Variants in MCTP2 observed in about 807,000 individuals in gnomAD.
MCTP2 encodes multiple C2 and transmembrane domain-containing protein 2.
In MCTP2, 132 loss-of-function variants were observed where a neutral mutation model predicts 111.6. The observed-to-expected ratio is 1.18, with a 90% CI of 1.03 to 1.37. The LOEUF is 1.37. Ranked by LOEUF, MCTP2 falls within the 40% of genes most tolerant of loss-of-function variation. The probability of loss-of-function intolerance (pLI) is 0.00; values close to 1 mark genes in which losing one functional copy is unlikely to be tolerated. For synonymous variants in MCTP2, 395 were observed against 387.7 expected (o/e 1.02, Z -0.22); for missense variants, 1,183 against 1,067.9 (o/e 1.11, Z -1.50).
At chr15:94,249,473 A>G (rs1326905353) in intron 1 of MCTP2, among the ~76,000 whole-genome samples, 3 of 149,774 alleles carry the variant, frequency 2.0e-5, no homozygotes, top group Non-Finnish European at 4.4e-5. Context: ...CATATTTCCC[A>G]CTGAGTCTCA....
At chr15:94,249,989 G>GA (rs1004471140) in intron 1 of MCTP2, among the ~76,000 whole-genome samples, 2 of 148,154 alleles carry the variant, frequency 1.3e-5, no homozygotes, top group East Asian at 2.0e-4. Context: ...AATAGTAAAA[G>GA]AAAAAAAAAG....
chr15:94,255,855 T>C (rs2072730429), intron 1 of MCTP2, among the ~76,000 whole-genome samples: 1 of 152,214 alleles, frequency 6.6e-6, no homozygotes, highest in Non-Finnish European at 1.5e-5. Flanking sequence ...TATTACATTG[T>C]TTAGCAACTA....
chr15:94,419,602 C>T (rs1177681466), intron 17 of MCTP2, among the ~76,000 whole-genome samples: 1 of 152,110 alleles, frequency 6.6e-6, no homozygotes, highest in African/African-American at 2.4e-5. Flanking sequence ...CCACCTCCTA[C>T]ACCCACTGAT....
intron 22 of MCTP2, among the ~76,000 whole-genome samples, chr15:94,478,535 G>C (rs1395391911): frequency 6.6e-6 from 1 of 152,108 alleles, no homozygotes; most frequent in African/African-American, 2.4e-5. Flanking sequence ...TTTCCTCTCA[G>C]GCAAAGTAAA....
intron 12 of MCTP2, among the ~76,000 whole-genome samples, chr15:94,377,624 T>C (rs2079848760): frequency 6.6e-6 from 1 of 152,214 alleles, no homozygotes; most frequent in Non-Finnish European, 1.5e-5. Context: ...ATATACCTTT[T>C]CTATTCTCTG....
chr15:94,463,388 G>A (rs148017568), intron 20 of MCTP2, among the ~76,000 whole-genome samples: 5 of 152,004 alleles, frequency 3.3e-5, no homozygotes, highest in African/African-American at 7.2e-5. Flanking sequence ...TTTTCTTCAC[G>A]TTTCATTTTC....
At chr15:94,340,394 G>C in intron 6 of MCTP2, 119 bp downstream of exon 6, 1 of 766,570 alleles carries the variant, frequency 1.3e-6, no homozygotes, top group Non-Finnish European at 2.2e-6. Context: ...AAATGAAAGA[G>C]AGCTTTAAAG....
At chr15:94,251,007 A>G (rs918999421) in intron 1 of MCTP2, among the ~76,000 whole-genome samples, 2 of 152,254 alleles carry the variant, frequency 1.3e-5, no homozygotes, top group African/African-American at 2.4e-5. Context: ...AGATGATTAG[A>G]TAAGAGTGGC....
At chr15:94,309,323 C>T (rs770812542) in intron 2 of MCTP2, among the ~76,000 whole-genome samples, 10 of 152,076 alleles carry the variant, frequency 6.6e-5, no homozygotes, top group Non-Finnish European at 1.0e-4. Context: ...AGACAAGATA[C>T]GGGTTATAGA....
At chr15:94,296,143 T>A (rs1029895541) in intron 1 of MCTP2, among the ~76,000 whole-genome samples, 1 of 152,176 alleles carries the variant, frequency 6.6e-6, no homozygotes, top group Non-Finnish European at 1.5e-5. Context: ...CAGGTCTCCA[T>A]AGAGTGCTAC....
chr15:94,397,243 A>G (rs1436235343), intron 14 of MCTP2, among the ~76,000 whole-genome samples: 1 of 152,178 alleles, frequency 6.6e-6, no homozygotes, highest in Admixed American at 6.5e-5. Flanking sequence ...ACACAATGTG[A>G]GGGACATTAG....
intron 20 of MCTP2, among the ~76,000 whole-genome samples, chr15:94,466,364 A>G (rs1424235746): frequency 6.6e-6 from 1 of 152,068 alleles, no homozygotes; most frequent in Admixed American, 6.6e-5. Flanking sequence ...TTCCTTGGAG[A>G]GGATTACTGT....
At chr15:94,443,250 T>A (rs1283792575) in intron 19 of MCTP2, among the ~76,000 whole-genome samples, 1 of 152,158 alleles carries the variant, frequency 6.6e-6, no homozygotes, top group Non-Finnish European at 1.5e-5. Context: ...CCTTTATAGA[T>A]AAAAGGTAGC....
intron 17 of MCTP2, among the ~76,000 whole-genome samples, chr15:94,432,776 C>G (rs546346468): frequency 1.3e-5 from 2 of 152,232 alleles, no homozygotes; most frequent in African/African-American, 4.8e-5. Flanking sequence ...TTGGCTGTTT[C>G]CTAATCTCAA....
At chr15:94,363,871 G>T (rs1445723860) in intron 10 of MCTP2, among the ~76,000 whole-genome samples, 1 of 152,094 alleles carries the variant, frequency 6.6e-6, no homozygotes, top group African/African-American at 2.4e-5. Context: ...CACCGGAACA[G>T]ACCTAATTGG....
chr15:94,385,675 C>A (rs144086888), intron 14 of MCTP2, 150 bp downstream of exon 14: 4 of 575,894 alleles, frequency 6.9e-6, no homozygotes, highest in Admixed American at 2.8e-5. Flanking sequence ...CATTCTTTTC[C>A]GGTATTTTCA....
chr15:94,342,187 A>C (rs16948957), intron 7 of MCTP2: 1 of 152,112 alleles, frequency 6.6e-6, no homozygotes, highest in South Asian at 2.1e-4. Flanking sequence ...TATTCAAATG[A>C]CTGCCTTTGT....
rs553145233 is a variant in MCTP2 at position 94,322,391 on chromosome 15, C to T, written c.637+6754C>T. Among the ~76,000 whole-genome samples the T allele has an allele frequency of 2.6e-5, 4 of 152,070 alleles. No individual in the cohort carries two copies. In the South Asian group the frequency reaches 8.3e-4, roughly 32 times the overall value. ...CATTTTCTTCGGATTGTTACATAATCATTACTGTCTGTTACTTTCTGTCTA... is the reference window on the plus strand; with the variant it reads ...CATTTTCTTCGGATTGTTACATAATTATTACTGTCTGTTACTTTCTGTCTA... On this transcript the variant is annotated intron_variant, in intron 4 of 22. Transcript: ENST00000357742.
chr15:94,302,455 T>G (rs1471834209), intron 2 of MCTP2, among the ~76,000 whole-genome samples: 1 of 152,114 alleles, frequency 6.6e-6, no homozygotes, highest in East Asian at 1.9e-4. Context: ...GAAGAAGGAA[T>G]GTGAAAAACA....
Sources: gnomAD v4.1 joint callset for allele counts (sites outside exome capture counted in the v4.1 genomes callset) on GRCh38, gnomAD v4.1.1 for gene constraint, MANE v1.5 for transcripts, NCBI Gene and HGNC (gene_info 2026-07-23, HGNC 2026-07-21) for gene names.